DNAJB6: variants seen among roughly 807,000 people sequenced by gnomAD.
DNAJB6 encodes DnaJ heat shock protein family (Hsp40) member B6, also known as dnaJ homolog subfamily B member 6.
Under a neutral mutation model 42.7 loss-of-function variants are expected in DNAJB6, and 16 were observed. That is an observed-to-expected ratio of 0.37 (90% CI 0.25 to 0.57). The LOEUF (loss-of-function observed/expected upper bound fraction) is 0.57, where lower values mean the gene tolerates loss of function less well. Among genes scored for constraint, DNAJB6 ranks in the 20% least tolerant of loss-of-function variants. The pLI is 0.74. For missense variants in DNAJB6, 347 were observed against 416.8 expected (o/e 0.83, Z 1.46); for synonymous variants, 170 against 163.5 (o/e 1.04, Z -0.30).
intron 2 of DNAJB6, among the ~76,000 whole-genome samples, chr7:157,362,914 G>A (rs1244537827): frequency 6.6e-6 from 1 of 152,176 alleles, no homozygotes; most frequent in Non-Finnish European, 1.5e-5. Flanking sequence ...GCCTCAAGCA[G>A]TTGTCACGCC....
chr7:157,413,411 G>A (rs898341489), intron 9 of DNAJB6: 2 of 152,196 alleles, frequency 1.3e-5, no homozygotes, highest in Admixed American at 6.5e-5. Flanking sequence ...AACTGAAGAT[G>A]GGAATCTAAC....
chr7:157,371,023 G>A (rs1422781177), intron 5 of DNAJB6, among the ~76,000 whole-genome samples: 1 of 152,184 alleles, frequency 6.6e-6, no homozygotes, highest in Admixed American at 6.5e-5. Flanking sequence ...AAGCATTACT[G>A]CCTGAGCCCC....
intron 1 of DNAJB6, among the ~76,000 whole-genome samples, chr7:157,350,431 C>T (rs1027076803): frequency 3.3e-5 from 5 of 152,148 alleles, no homozygotes; most frequent in Admixed American, 3.3e-4. Context: ...GGTGAAAATT[C>T]CTTGGAGACC....
chr7:157,369,911 G>A (rs1193379916), intron 5 of DNAJB6, among the ~76,000 whole-genome samples: 1 of 148,460 alleles, frequency 6.7e-6, no homozygotes, highest in East Asian at 2.0e-4. Context: ...TATTAAACAG[G>A]CCCCTTCTTA....
intron 9 of DNAJB6, chr7:157,410,591 C>T (rs1795940236): frequency 6.4e-6 from 1 of 155,476 alleles, no homozygotes; most frequent in African/African-American, 2.5e-5. Context: ...TCTGGGTCAC[C>T]CTGAGGACGT....
At chr7:157,399,248 C>T (rs958294235) in intron 8 of DNAJB6, among the ~76,000 whole-genome samples, 16 of 152,146 alleles carry the variant, frequency 1.1e-4, no homozygotes, top group Non-Finnish European at 2.4e-4. Flanking sequence ...GTCCCTGTGG[C>T]CCCCCGCCAT....
intron 3 of DNAJB6, among the ~76,000 whole-genome samples, chr7:157,364,997 G>T (rs1311268335): frequency 6.6e-6 from 1 of 152,186 alleles, no homozygotes; most frequent in Non-Finnish European, 1.5e-5. Flanking sequence ...TGTTGCCCAG[G>T]CTGGAATGTA....
At chr7:157,341,220 G>A (rs1332140401) in intron 1 of DNAJB6, among the ~76,000 whole-genome samples, 1 of 152,104 alleles carries the variant, frequency 6.6e-6, no homozygotes. Context: ...TGCCGCACGG[G>A]TTCAAGCGAT....
At chr7:157,414,374 T>G (rs1008322419) in intron 9 of DNAJB6, 2 of 152,182 alleles carry the variant, frequency 1.3e-5, no homozygotes, top group African/African-American at 4.8e-5. Context: ...CCCTCCACAG[T>G]CACGGCGGCT....
At chr7:157,346,144 G>A (rs943431194) in intron 1 of DNAJB6, among the ~76,000 whole-genome samples, 3 of 152,048 alleles carry the variant, frequency 2.0e-5, no homozygotes, top group Admixed American at 2.0e-4. Context: ...TCACAGTGCT[G>A]GGCGGGCCAG....
chr7:157,405,339 C>T (rs1795726420), intron 8 of DNAJB6, among the ~76,000 whole-genome samples: 3 of 152,162 alleles, frequency 2.0e-5, no homozygotes, highest in African/African-American at 4.8e-5. Flanking sequence ...TGTGTGGCGC[C>T]TGCTTCCAGG....
chr7:157,369,306 A>G (rs572455095), intron 5 of DNAJB6: 3 of 456,764 alleles, frequency 6.6e-6, no homozygotes, highest in East Asian at 6.9e-5. Flanking sequence ...TGTCTTAAAA[A>G]TGACCTTTGC....
intron 1 of DNAJB6, among the ~76,000 whole-genome samples, chr7:157,338,772 C>A (rs1029859755): frequency 1.3e-5 from 2 of 152,160 alleles, no homozygotes; most frequent in African/African-American, 4.8e-5. Flanking sequence ...TTGTGGATTA[C>A]GCAGGCTGTG....
intron 5 of DNAJB6, among the ~76,000 whole-genome samples, chr7:157,371,226 G>A (rs1800193500): frequency 2.0e-5 from 3 of 152,222 alleles, no homozygotes; most frequent in Non-Finnish European, 2.9e-5. Context: ...GTGGCAAAAA[G>A]GTTGGGGACC....
intron 2 of DNAJB6, among the ~76,000 whole-genome samples, chr7:157,361,745 T>TATTC (rs56963367): frequency 0.49 from 73,257 of 150,882 alleles, 18,389 homozygotes; most frequent in East Asian, 0.61. Context: ...GATTTTTTTG[T>TATTC]ATTCATTCAT....
chr7:157,346,006 T>G (rs1798664856), intron 1 of DNAJB6, among the ~76,000 whole-genome samples: 1 of 150,636 alleles, frequency 6.6e-6, no homozygotes, highest in African/African-American at 2.4e-5. Flanking sequence ...GGAAGGCAGC[T>G]TGAGTGTGCC....
chr7:157,347,396 G>A (rs9647660), intron 1 of DNAJB6, among the ~76,000 whole-genome samples: 45,755 of 152,034 alleles, frequency 0.3, 8,255 homozygotes, highest in Admixed American at 0.41. Context: ...TAAAGATGCA[G>A]TGTCTTTGGT....
chr7:157,397,841 T>TCC (rs1801668468), intron 8 of DNAJB6, among the ~76,000 whole-genome samples: 2 of 152,238 alleles, frequency 1.3e-5, no homozygotes, highest in Non-Finnish European at 2.9e-5. Context: ...CAAAAGCAAG[T>TCC]CACTGTCCTG....
At chr7:157,343,931 G>C (rs1798550374) in intron 1 of DNAJB6, among the ~76,000 whole-genome samples, 1 of 152,098 alleles carries the variant, frequency 6.6e-6, no homozygotes, top group Non-Finnish European at 1.5e-5. Flanking sequence ...AACAAACCGA[G>C]TTTTCCTAAG....
Sources: gnomAD v4.1 joint callset for allele counts (sites outside exome capture counted in the v4.1 genomes callset) on GRCh38, gnomAD v4.1.1 for gene constraint, MANE v1.5 for transcripts, NCBI Gene and HGNC (gene_info 2026-07-23, HGNC 2026-07-21) for gene names.